Variants in ZC3H13 observed in about 807,000 individuals in gnomAD.
ZC3H13 encodes the protein zinc finger CCCH-type containing 13, also known as zinc finger CCCH domain-containing protein 13.
ZC3H13 carries 64 observed loss-of-function variants against 204.1 expected under a neutral mutation model. That is an observed-to-expected ratio of 0.31 (90% confidence interval 0.26 to 0.39). The LOEUF is 0.39. ZC3H13 is among the 10% of genes least tolerant of loss of function. ZC3H13 has a pLI of 1.00. For synonymous variants in ZC3H13, 667 were observed against 693.7 expected, an observed-to-expected ratio of 0.96 and a Z score of 0.60; for missense variants, 1,833 against 2,082.7, an observed-to-expected ratio of 0.88 and a Z score of 2.33.
chr13:46,047,861 C>T (rs2044085883), intron 1 of ZC3H13, among the ~76,000 whole-genome samples: 1 of 150,756 alleles, frequency 6.6e-6, no homozygotes, highest in Admixed American at 6.6e-5. Flanking sequence ...TCCAAAATTT[C>T]CTTATTTGCT....
intron 9 of ZC3H13, among the ~76,000 whole-genome samples, chr13:45,987,718 A>G (rs1354718574): frequency 6.6e-6 from 1 of 152,210 alleles, no homozygotes; most frequent in Non-Finnish European, 1.5e-5. Context: ...TCCACTCACC[A>G]AGAGGCGCTT....
chr13:46,040,364 T>C (rs2043490922), intron 4 of ZC3H13, among the ~76,000 whole-genome samples: 1 of 152,096 alleles, frequency 6.6e-6, no homozygotes, highest in South Asian at 2.1e-4. Flanking sequence ...ATAAAAAGAC[T>C]ATAATAGAGG....
At chr13:46,005,277 C>A (rs1299522913) in intron 7 of ZC3H13, among the ~76,000 whole-genome samples, 1 of 152,120 alleles carries the variant, frequency 6.6e-6, no homozygotes, top group Non-Finnish European at 1.5e-5. Context: ...ATTTTCATTT[C>A]AAAACTTTTC....
intron 8 of ZC3H13, among the ~76,000 whole-genome samples, chr13:45,992,941 C>G (rs796875901): frequency 3.9e-5 from 6 of 152,260 alleles, no homozygotes; most frequent in African/African-American, 1.2e-4. Flanking sequence ...TCCTGGGTCT[C>G]CAGCTTGCAG....
At chr13:46,012,642 T>C (rs1007924432) in intron 5 of ZC3H13, among the ~76,000 whole-genome samples, 8 of 152,216 alleles carry the variant, frequency 5.3e-5, no homozygotes, top group Non-Finnish European at 1.2e-4. Context: ...TTACTCATCT[T>C]ATGTTGGAGT....
chr13:46,024,437 T>C (rs1196444241), intron 4 of ZC3H13, among the ~76,000 whole-genome samples: 3 of 152,220 alleles, frequency 2.0e-5, no homozygotes, highest in African/African-American at 7.2e-5. Flanking sequence ...AGCCAGACTT[T>C]GGTACATACT....
chr13:46,038,248 ACTC>A (rs2043336147), intron 4 of ZC3H13, among the ~76,000 whole-genome samples: 1 of 151,550 alleles, frequency 6.6e-6, no homozygotes, highest in Non-Finnish European at 1.5e-5. Flanking sequence ...GTCCTTTAAA[ACTC>A]CTTACAGTTC....
At position 45,968,924 on chromosome 13, in the gene ZC3H13, C is replaced by A; in HGVS notation, c.3620G>T (p.Arg1207Leu). 1 of 1,614,124 alleles carries A rather than the reference C, an allele frequency of 6.2e-7. No homozygotes were observed. Among genetic ancestry groups the A allele is most frequent in the Non-Finnish European group, 8.5e-7 (1 of 1,180,016 alleles). Reference protein sequence around the residue: ...SNRSHTSGRLRSPSNDSAHRS... With the variant: ...SNRSHTSGRLLSPSNDSAHRS... ...ATGGGCTGAATCATTGGATGGGGAGCGAAGACGACCAGACGTATGACTACG... is the reference window on the plus strand; with the variant it reads ...ATGGGCTGAATCATTGGATGGGGAGAGAAGACGACCAGACGTATGACTACG... Residue 1207 changes from arginine (R) to leucine (L), a missense_variant, in exon 14 of 19, where the codon CGC (arginine) becomes CTC (leucine). By Grantham distance (102) the Arg-to-Leu change is moderately radical. Transcript: ENST00000679008.
intron 8 of ZC3H13, among the ~76,000 whole-genome samples, chr13:45,997,077 A>T (rs2040395174): frequency 6.6e-6 from 1 of 152,248 alleles, no homozygotes; most frequent in African/African-American, 2.4e-5. Context: ...CTGAAAGCAC[A>T]GTAATAAATC....
chr13:45,956,943 T>C lies in ZC3H13; in HGVS notation c.*184A>G. On this transcript the variant is annotated 3_prime_UTR_variant, in exon 19 of 19. Coordinates refer to ENST00000679008, the MANE Select transcript of ZC3H13 (RefSeq NM_001330564.2). ...TGAGTGTCAAATACTATGTAAAAAT[T>C]AACGTAAAATCTTAAGTTGGCCAAA... is the stretch of plus-strand genomic sequence containing the variant. 1 of 436,230 alleles carries C rather than the reference T, an allele frequency of 2.3e-6. No homozygotes were observed. The allele number at this position is 436,230 out of a possible 1,614,324, so 27.0% of individuals were successfully genotyped here. A position where few individuals can be genotyped will look rare whatever the true frequency, so the allele number is the denominator to read the frequency against.
chr13:46,003,056 G>A, intron 8 of ZC3H13, 83 bp downstream of exon 8: 3 of 1,415,928 alleles, frequency 2.1e-6, no homozygotes, highest in Non-Finnish European at 2.9e-6. Context: ...AACCCAATAT[G>A]CTAATGCCCA....
At chr13:46,004,137 ACT>A (rs1326727854) in intron 7 of ZC3H13, among the ~76,000 whole-genome samples, 4 of 78,588 alleles carry the variant, frequency 5.1e-5, no homozygotes, top group Non-Finnish European at 2.4e-5. Flanking sequence ...GGAAATGGTA[ACT>A]CTGTGTGTGT....
intron 7 of ZC3H13, among the ~76,000 whole-genome samples, chr13:46,009,277 T>A (rs1465760300): frequency 2.0e-5 from 3 of 152,124 alleles, no homozygotes; most frequent in African/African-American, 7.2e-5. Context: ...GAATCTGAAT[T>A]TCATTCTACA....
chr13:46,003,826 C>T (rs762334643), intron 7 of ZC3H13, among the ~76,000 whole-genome samples: 4 of 151,982 alleles, frequency 2.6e-5, no homozygotes, highest in Non-Finnish European at 4.4e-5. Context: ...CTTTACATTG[C>T]ACCAGATCAA....
At chr13:46,044,739 CAAAT>C (rs1300688562) in intron 3 of ZC3H13, among the ~76,000 whole-genome samples, 2 of 151,954 alleles carry the variant, frequency 1.3e-5, no homozygotes, top group Non-Finnish European at 2.9e-5. Context: ...ACTGTCAAAA[CAAAT>C]AAATAATGAA....
rs1201213608 is a variant in ZC3H13, at chr13:45,987,096, G to T, written c.1256-1335C>A. 2.0e-5 allele frequency among the ~76,000 whole-genome samples: 3 copies of T among 151,930 alleles called. 1 individual carries two copies. The highest frequency in any genetic ancestry group is 4.4e-5 in the Non-Finnish European group (3 of 68,006). The stretch of plus-strand genomic sequence containing the variant: ...GTGCCAGATCTTTTTCTCATGATGC[G>T]CCCATCTGTCTTTACAAATACGTCT... On this transcript the variant is annotated intron_variant, in intron 9 of 18. Coordinates refer to ENST00000679008, the MANE Select transcript of ZC3H13 (RefSeq NM_001330564.2).
Position 45,969,116 on chromosome 13 carries a change from G to T in ZC3H13, c.3428C>A (p.Pro1143His). Residue 1143 changes from proline to histidine, a missense_variant, in exon 14 of 19, where the codon CCC becomes CAC. By Grantham distance (77) the Pro-to-His change is moderately conservative (BLOSUM62 -2). Coordinates refer to ENST00000679008, the MANE Select transcript of ZC3H13 (RefSeq NM_001330564.2). ...SAITISTSAT[P>H]TNTTNNTFAN... ...AAAAGTATTATTGGTGGTATTGGTGGGGGTGGCAGAGGTGGAAATAGTGAT... is the reference window on the plus strand; with the variant it reads ...AAAAGTATTATTGGTGGTATTGGTGTGGGTGGCAGAGGTGGAAATAGTGAT... 6.2e-7 allele frequency: 1 copy of T among 1,614,156 alleles called. No individual in the cohort carries two copies. Among genetic ancestry groups the T allele is most frequent in the Non-Finnish European group, 8.5e-7 (1 of 1,180,020 alleles).
At chr13:46,033,687 AC>A (rs1350798269) in intron 4 of ZC3H13, among the ~76,000 whole-genome samples, 1 of 152,154 alleles carries the variant, frequency 6.6e-6, no homozygotes, top group African/African-American at 2.4e-5. Context: ...AGTAAAAGGA[AC>A]CAAGTTTTTT....
rs578135642 is a variant in ZC3H13 at position 45,962,777 on chromosome 13, A to G, written c.4675+1065T>C. Reference sequence around the variant, plus strand: ...CTTTTATGTCCAGGGACATGACGTAAAATTGTTAATTAATGTTGTTCCTTT... The same window carrying G: ...CTTTTATGTCCAGGGACATGACGTAGAATTGTTAATTAATGTTGTTCCTTT... On this transcript the variant is annotated intron_variant, in intron 17 of 18. Coordinates refer to ENST00000679008, the MANE Select transcript of ZC3H13 (RefSeq NM_001330564.2). 7.8e-5 allele frequency: 77 copies of G among 985,388 alleles called. No individual in the cohort carries two copies. In the African/African-American group the frequency reaches 1.2e-3, roughly 15 times the overall value. 61.0% of individuals were successfully genotyped at this position (985,388 alleles called of 1,614,324 possible). A position where few individuals can be genotyped will look rare whatever the true frequency, so the allele number is the denominator to read the frequency against.
Sources: gnomAD v4.1 joint callset for allele counts (sites outside exome capture counted in the v4.1 genomes callset) on GRCh38, gnomAD v4.1.1 for gene constraint, MANE v1.5 for transcripts, NCBI Gene and HGNC (gene_info 2026-07-23, HGNC 2026-07-21) for gene names.